CSMD1: variants seen among roughly 807,000 people sequenced by gnomAD.
The protein encoded by CSMD1 is CUB and sushi domain-containing protein 1.
CSMD1 carries 213 observed loss-of-function variants against 417.5 expected under a neutral mutation model. The ratio of observed to expected loss-of-function variants is 0.51; its 90% CI spans 0.46 to 0.57. The LOEUF (loss-of-function observed/expected upper bound fraction) is 0.57. Ranked by LOEUF, CSMD1 falls within the 20% of genes least tolerant of loss-of-function variation. The probability of loss-of-function intolerance (pLI) is 0.00; values close to 1 mark genes in which losing one functional copy is unlikely to be tolerated. For missense variants in CSMD1, 6,923 were observed against 4,529.7 expected, an observed-to-expected ratio of 1.53 and a Z score of -15.17; for synonymous variants, 2,862 against 1,736.8, an observed-to-expected ratio of 1.65 and a Z score of -16.11.
chr8:4,446,370 G>T (rs1481987748), intron 2 of CSMD1, among the ~76,000 whole-genome samples: 2 of 152,116 alleles, frequency 1.3e-5, no homozygotes, highest in Non-Finnish European at 2.9e-5. Context: ...CAACATGGCA[G>T]AACCCCAACT....
rs1030763284 is a variant in CSMD1 at position 4,643,937 on chromosome 8, C to G, written c.86-6379G>C. Among the ~76,000 whole-genome samples, 3 of 152,220 alleles carry G rather than the reference C, an allele frequency of 2.0e-5. No homozygotes were observed. In the East Asian group the frequency reaches 5.8e-4, roughly 29 times the overall value. On this transcript the variant is annotated intron_variant, in intron 1 of 69. Transcript: ENST00000635120. ...CTGATGATTCTCAGATCACCTGGAG[C>G]TACTGACATCAGCCACTCTGGCTCA...
chr8:4,624,728 C>T (rs972176635), intron 2 of CSMD1, among the ~76,000 whole-genome samples: 3 of 152,098 alleles, frequency 2.0e-5, no homozygotes, highest in African/African-American at 7.2e-5. Flanking sequence ...CTGACACCTG[C>T]TCTGTTTCGC....
chr8:4,930,364 T>TGC (rs1223066315), intron 1 of CSMD1, among the ~76,000 whole-genome samples: 2 of 152,070 alleles, frequency 1.3e-5, no homozygotes, highest in African/African-American at 4.8e-5. Flanking sequence ...CATTCATAGG[T>TGC]GCGCGCACAC....
chr8:3,501,194 T>C lies in CSMD1; in HGVS notation c.1345-7468A>G, dbSNP rs899672630. Among the ~76,000 whole-genome samples, 8 of 152,302 alleles carry C rather than the reference T, an allele frequency of 5.3e-5. No homozygotes were observed. The East Asian group carries it at 1.2e-3, about 22-fold the overall frequency. On this transcript the variant is annotated intron_variant, in intron 10 of 69. Transcript: ENST00000635120. ...CAGTTAAACCAAAAGAATCCAAATA[T>C]ATCAACTGATCTCTATGATCTTTGC...
chr8:4,549,134 G>A (rs1797754795), intron 2 of CSMD1, among the ~76,000 whole-genome samples: 2 of 151,946 alleles, frequency 1.3e-5, no homozygotes, highest in African/African-American at 4.8e-5. Context: ...ATAGCATCTT[G>A]CCCCAATTGT....
chr8:3,536,615 C>T (rs1004479766), intron 10 of CSMD1, among the ~76,000 whole-genome samples: 9 of 152,126 alleles, frequency 5.9e-5, no homozygotes, highest in Non-Finnish European at 1.0e-4. Context: ...TGAACAGAAA[C>T]GGTAATTCAG....
chr8:3,876,663 G>A (rs1805845966), intron 5 of CSMD1, among the ~76,000 whole-genome samples: 1 of 152,310 alleles, frequency 6.6e-6, no homozygotes, highest in South Asian at 2.1e-4. Context: ...GGGGTGAAGT[G>A]CAGTGGTGCT....
chr8:4,257,669 G>C (rs889758905), intron 3 of CSMD1, among the ~76,000 whole-genome samples: 2 of 152,204 alleles, frequency 1.3e-5, no homozygotes, highest in Admixed American at 1.3e-4. Context: ...ATAGGTCTCA[G>C]GGTGCAGCAG....
At chr8:3,407,793 C>T (rs1265340319) in intron 14 of CSMD1, 106 bp downstream of exon 14, 3 of 945,782 alleles carry the variant, frequency 3.2e-6, no homozygotes, top group Admixed American at 2.9e-5. Flanking sequence ...ATTATAAAAC[C>T]TCTGAAGTAT....
chr8:3,432,958 G>A (rs1397621470), intron 12 of CSMD1, among the ~76,000 whole-genome samples: 1 of 152,068 alleles, frequency 6.6e-6, no homozygotes, highest in African/African-American at 2.4e-5. Flanking sequence ...TAAATGGGGG[G>A]GTTACAGTCA....
At chr8:4,634,533 C>T (rs1444725793) in intron 2 of CSMD1, among the ~76,000 whole-genome samples, 1 of 152,086 alleles carries the variant, frequency 6.6e-6, no homozygotes, top group African/African-American at 2.4e-5. Flanking sequence ...AACAACACAC[C>T]AAGACAGCTC....
At chr8:3,589,379 G>GGTGTGTGTGTGT (rs58729391) in intron 8 of CSMD1, among the ~76,000 whole-genome samples, 6 of 149,946 alleles carry the variant, frequency 4.0e-5, no homozygotes, top group Admixed American at 4.0e-4. Flanking sequence ...AAGAAAATGT[G>GGTGTGTGTGTGT]GTGTGTGTGT....
intron 6 of CSMD1, among the ~76,000 whole-genome samples, chr8:3,745,287 A>G (rs1206196735): frequency 1.3e-5 from 2 of 152,224 alleles, no homozygotes; most frequent in African/African-American, 2.4e-5. Context: ...CCTTCACAAC[A>G]GGAAAGAACA....
intron 3 of CSMD1, among the ~76,000 whole-genome samples, chr8:4,367,149 G>A (rs1291093384): frequency 6.6e-6 from 1 of 152,034 alleles, no homozygotes; most frequent in African/African-American, 2.4e-5. Flanking sequence ...TATTTCTTAG[G>A]TTGTTTTCTA....
intron 2 of CSMD1, among the ~76,000 whole-genome samples, chr8:4,576,621 T>A (rs1201948438): frequency 6.6e-6 from 1 of 152,176 alleles, no homozygotes; most frequent in Non-Finnish European, 1.5e-5. Context: ...TCTGTATATA[T>A]ATAGCATTTA....
chr8:4,440,149 C>G lies in CSMD1; in HGVS notation c.303-20084G>C, dbSNP rs550707536. Among the ~76,000 whole-genome samples the G allele has an allele frequency of 2.0e-5, 3 of 152,196 alleles. No homozygotes were observed. The East Asian group carries it at 5.8e-4, about 29-fold the overall frequency. On this transcript the variant is annotated intron_variant, in intron 2 of 69. Transcript: ENST00000635120. ...GTGCAGCTTTGGTGTAAATTTCTTG[C>G]TAATTTGGACGTTTCTTTCTAGATT...
chr8:4,338,410 A>G (rs1563070633), intron 3 of CSMD1, among the ~76,000 whole-genome samples: 1 of 152,124 alleles, frequency 6.6e-6, no homozygotes, highest in South Asian at 2.1e-4. Context: ...ACTAGTGTGG[A>G]TGAATCAAGA....
At chr8:3,782,132 CT>C (rs1200989643) in intron 5 of CSMD1, among the ~76,000 whole-genome samples, 1 of 152,070 alleles carries the variant, frequency 6.6e-6, no homozygotes, top group Admixed American at 6.5e-5. Context: ...CATATAATTT[CT>C]TTTTTTCTCA....
intron 3 of CSMD1, among the ~76,000 whole-genome samples, chr8:4,385,310 G>T (rs938117900): frequency 1.3e-5 from 2 of 152,196 alleles, no homozygotes; most frequent in African/African-American, 4.8e-5. Flanking sequence ...AAACAATGAT[G>T]TAGTCTGACA....
Sources: gnomAD v4.1 joint callset for allele counts (sites outside exome capture counted in the v4.1 genomes callset) on GRCh38, gnomAD v4.1.1 for gene constraint, MANE v1.5 for transcripts, NCBI Gene and HGNC (gene_info 2026-07-23, HGNC 2026-07-21) for gene names.